The following SOX5 variants were observed in gnomAD, a reference collection of about 807,000 sequenced individuals.
SOX5 encodes the protein SRY-box transcription factor 5.
In SOX5, 9 loss-of-function variants were observed where a neutral mutation model predicts 92.0. The observed-to-expected ratio is 0.10, with a 90% CI of 0.06 to 0.17. SOX5 has a LOEUF of 0.17. Among genes scored for constraint, SOX5 ranks in the 10% least tolerant of loss-of-function variants. SOX5 has a pLI of 1.00. For missense variants in SOX5, 642 were observed against 944.5 expected (o/e 0.68, Z 4.20); for synonymous variants, 344 against 336.3 (o/e 1.02, Z -0.25).
At chr12:23,868,889 C>G (rs571717646) in intron 2 of SOX5, among the ~76,000 whole-genome samples, 1 of 152,148 alleles carries the variant, frequency 6.6e-6, no homozygotes, top group Non-Finnish European at 1.5e-5. Flanking sequence ...CTCCAAACCT[C>G]TTATGACTCC....
intron 3 of SOX5, among the ~76,000 whole-genome samples, chr12:23,844,266 A>T (rs2096550988): frequency 6.6e-6 from 1 of 152,226 alleles, no homozygotes; most frequent in South Asian, 2.1e-4. Flanking sequence ...AAATATCAAA[A>T]TTCAAAATCC....
intron 3 of SOX5, among the ~76,000 whole-genome samples, chr12:23,840,753 G>A (rs1416993861): frequency 6.6e-6 from 1 of 152,112 alleles, no homozygotes; most frequent in Non-Finnish European, 1.5e-5. Context: ...TGAACAAATG[G>A]TCTTGGAATA....
chr12:23,543,471 T>A, intron 12 of SOX5, 87 bp from the exon 13 acceptor site: 2 of 1,005,734 alleles, frequency 2.0e-6, no homozygotes, highest in Admixed American at 2.2e-5. Flanking sequence ...TCTATTAAGA[T>A]ATCTGAAAAG....
intron 2 of SOX5, among the ~76,000 whole-genome samples, chr12:24,342,432 T>G (rs1049201592): frequency 2.0e-5 from 3 of 152,218 alleles, no homozygotes; most frequent in Non-Finnish European, 4.4e-5. Flanking sequence ...AATACAAATA[T>G]ATTCTATCAC....
At chr12:24,156,844 A>G (rs1282243182) in intron 4 of SOX5, among the ~76,000 whole-genome samples, 1 of 152,162 alleles carries the variant, frequency 6.6e-6, no homozygotes, top group African/African-American at 2.4e-5. Flanking sequence ...TTAATTGAGA[A>G]GGTAAAACTT....
At chr12:23,817,174 C>A (rs1253865791) in intron 3 of SOX5, among the ~76,000 whole-genome samples, 2 of 152,096 alleles carry the variant, frequency 1.3e-5, no homozygotes, top group Non-Finnish European at 2.9e-5. Context: ...TATTATGGAT[C>A]AGCACATGAA....
chr12:24,184,086 T>C (rs1341199993), intron 4 of SOX5, among the ~76,000 whole-genome samples: 2 of 152,138 alleles, frequency 1.3e-5, no homozygotes, highest in Non-Finnish European at 2.9e-5. Flanking sequence ...TTGATTCTGG[T>C]TTTTCAGTAG....
At chr12:24,511,902 G>A (rs1262924171) in intron 1 of SOX5, among the ~76,000 whole-genome samples, 3 of 150,226 alleles carry the variant, frequency 2.0e-5, no homozygotes, top group Non-Finnish European at 4.4e-5. Context: ...ATCTTGAAGT[G>A]AGCCCAGATC....
At chr12:23,578,009 T>C (rs11046988) in intron 9 of SOX5, among the ~76,000 whole-genome samples, 31,541 of 148,906 alleles carry the variant, frequency 0.21, 3,778 homozygotes, top group East Asian at 0.42. Flanking sequence ...TAGTCTCAGC[T>C]ACTCAGGAGG....
intron 3 of SOX5, 133 bp downstream of exon 3, chr12:23,845,850 C>T (rs2096569267): frequency 2.9e-6 from 2 of 701,124 alleles, no homozygotes; most frequent in Non-Finnish European, 2.5e-6. Flanking sequence ...TACCAACCGT[C>T]TTCATAGCAA....
chr12:24,236,485 G>T (rs1432926480), intron 3 of SOX5, among the ~76,000 whole-genome samples: 1 of 152,160 alleles, frequency 6.6e-6, no homozygotes, highest in Non-Finnish European at 1.5e-5. Flanking sequence ...AAGCTAGCAT[G>T]GAAGAAATTG....
chr12:23,795,564 G>T (rs2095548054), intron 3 of SOX5, among the ~76,000 whole-genome samples: 1 of 152,010 alleles, frequency 6.6e-6, no homozygotes, highest in Non-Finnish European at 1.5e-5. Context: ...TTTGTGATGT[G>T]GGATAAGCAC....
At position 24,251,572 on chromosome 12, in the gene SOX5, GT is replaced by G. The variant is rs68085452; in HGVS notation, c.-77+25643del. ...TGAACTAGGATGGTTAGGGTTTTTT[GT>G]TTTTTTTTTTTTCTTCAGATGAAGT... On this transcript the variant is annotated intron_variant, in intron 3 of 4. Transcript: ENST00000446891. 4.4e-3 allele frequency among the ~76,000 whole-genome samples: 625 copies of G among 141,472 alleles called. 3 individuals are homozygous for G. Among genetic ancestry groups the G allele is most frequent in the African/African-American group, 0.013 (476 of 37,770 alleles). The allele number at this position is 141,472 out of a possible 152,430, so 92.8% of individuals were successfully genotyped here. A position where few individuals can be genotyped will look rare whatever the true frequency, so the allele number is the denominator to read the frequency against.
chr12:23,778,790 T>G (rs1188344365), intron 3 of SOX5, among the ~76,000 whole-genome samples: 1 of 152,156 alleles, frequency 6.6e-6, no homozygotes, highest in East Asian at 1.9e-4. Flanking sequence ...TTATCATGTC[T>G]TCTTCTTCAT....
intron 2 of SOX5, among the ~76,000 whole-genome samples, chr12:24,338,135 C>G (rs1294136410): frequency 1.3e-5 from 2 of 151,832 alleles, no homozygotes; most frequent in Non-Finnish European, 2.9e-5. Context: ...CCTGTAAACC[C>G]CAGTATCATT....
chr12:24,359,674 T>C (rs1955298043), intron 2 of SOX5, among the ~76,000 whole-genome samples: 1 of 152,254 alleles, frequency 6.6e-6, no homozygotes, highest in Admixed American at 6.5e-5. Context: ...TGCTTTTGCA[T>C]GCTCTCGTGC....
intron 2 of SOX5, among the ~76,000 whole-genome samples, chr12:24,300,513 C>G (rs2140634368): frequency 6.6e-6 from 1 of 152,292 alleles, no homozygotes; most frequent in African/African-American, 2.4e-5. Flanking sequence ...AACATATCCA[C>G]TGAGCGGTAT....
chr12:24,549,884 C>T (rs1043854206), intron 1 of SOX5, among the ~76,000 whole-genome samples: 7 of 151,872 alleles, frequency 4.6e-5, no homozygotes, highest in Non-Finnish European at 7.4e-5. Flanking sequence ...AGAGCAGAGT[C>T]GAGGGAAAGA....
Position 23,970,841 on chromosome 12 carries a change from A to ATATATATATATATATATATATTTTTT in SOX5, c.-1-74818_-1-74817insAAAAAATATATATATATATATATATA. Among the ~76,000 whole-genome samples the ATATATATATATATATATATATTTTTT allele has an allele frequency of 1.1e-3, 23 of 21,874 alleles. 2 individuals carry two copies. Among genetic ancestry groups the ATATATATATATATATATATATTTTTT allele is most frequent in the Admixed American group, 2.3e-3 (3 of 1,292 alleles). 14.4% of individuals were successfully genotyped at this position (21,874 alleles called of 152,430 possible). ...ACATGGGACTTTATATATATATATA[A>ATATATATATATATATATATATTTTTT]TTTTTTTTTTTTTTTAAGAAATGGG... is the stretch of plus-strand genomic sequence containing the variant. On this transcript the variant is annotated intron_variant, in intron 4 of 4. Transcript: ENST00000446891.
Sources: allele counts gnomAD v4.1 joint callset (sites outside exome capture counted in the v4.1 genomes callset), GRCh38; gene constraint gnomAD v4.1.1; transcripts MANE v1.5; gene names NCBI Gene and HGNC (gene_info 2026-07-23, HGNC 2026-07-21).